INSR: variants seen among roughly 807,000 people sequenced by gnomAD.
The protein encoded by INSR is insulin receptor.
A neutral mutation model predicts 142.6 loss-of-function variants in INSR; 67 were observed. The observed-to-expected ratio is 0.47, with a 90% confidence interval of 0.39 to 0.58. INSR has a LOEUF of 0.58. Among genes scored for constraint, INSR ranks in the 20% least tolerant of loss-of-function variants. INSR has a pLI of 0.00. For synonymous variants in INSR, 756 were observed against 743.1 expected (o/e 1.02, Z -0.28); for missense variants, 1,248 against 1,833.2 (o/e 0.68, Z 5.83).
chr19:7,256,320 G>A (rs1057252879), intron 2 of INSR, among the ~76,000 whole-genome samples: 2 of 151,896 alleles, frequency 1.3e-5, no homozygotes, highest in Non-Finnish European at 2.9e-5. Flanking sequence ...GTGGTGGTGG[G>A]CGCCTGTAGT....
chr19:7,231,295 G>GTTTTTTTTT lies in INSR; in HGVS notation c.652+36041_652+36049dup, dbSNP rs59830751. On this transcript the variant is annotated intron_variant, in intron 2 of 21. Transcript: ENST00000302850. ...TGTCTTGTTTTTGGTGGTGTTTTTT[G>GTTTTTTTTT]TTTTTTTTTTTTTTTTTTTTTTTGA... 5.6e-4 allele frequency among the ~76,000 whole-genome samples: 75 copies of GTTTTTTTTT among 135,000 alleles called. 1 individual carries two copies. Among genetic ancestry groups the GTTTTTTTTT allele is most frequent in the African/African-American group, 2.0e-3 (71 of 35,150 alleles). 88.6% of individuals were successfully genotyped at this position (135,000 alleles called of 152,430 possible). A position where few individuals can be genotyped will look rare whatever the true frequency, so the allele number is the denominator to read the frequency against.
At position 7,257,234 on chromosome 19, in the gene INSR, G is replaced by A. The variant is rs951506014; in HGVS notation, c.652+10111C>T. On this transcript the variant is annotated intron_variant, in intron 2 of 21. Coordinates refer to ENST00000302850, the MANE Select transcript of INSR (RefSeq NM_000208.4). ...GCTGGGATTACAGGCCTGAGCCACC[G>A]TGCCCGGCCTCCCCCACCTTATCTT... is the stretch of plus-strand genomic sequence containing the variant. Among the ~76,000 whole-genome samples, 21 of 152,118 alleles carry A rather than the reference G, an allele frequency of 1.4e-4. No individual in the cohort carries two copies. In the South Asian group the frequency reaches 3.1e-3, roughly 23 times the overall value.
intron 9 of INSR, among the ~76,000 whole-genome samples, chr19:7,153,342 CACCACAG>C (rs1158524615): frequency 3.4e-4 from 9 of 26,510 alleles, no homozygotes; most frequent in East Asian, 1.0e-3. Context: ...CCACGCCACA[CACCACAG>C]ACCACACACC....
At chr19:7,186,764 G>A (rs1399511999) in intron 2 of INSR, among the ~76,000 whole-genome samples, 2 of 151,712 alleles carry the variant, frequency 1.3e-5, no homozygotes, top group Non-Finnish European at 2.9e-5. Context: ...GGGTGCAGTG[G>A]CGCGATCTCA....
At chr19:7,146,311 G>A (rs550456380) in intron 11 of INSR, among the ~76,000 whole-genome samples, 7 of 144,538 alleles carry the variant, frequency 4.8e-5, no homozygotes, top group Admixed American at 1.4e-4. Flanking sequence ...GCGCAACCTC[G>A]GTTCACTGCA....
chr19:7,254,028 CAAAA>C (rs59085878), intron 2 of INSR, among the ~76,000 whole-genome samples: 4 of 125,176 alleles, frequency 3.2e-5, no homozygotes, highest in Non-Finnish European at 6.7e-5. Flanking sequence ...AACTCCATCT[CAAAA>C]AAAAAAAGAA....
At chr19:7,252,496 A>G (rs1303786888) in intron 2 of INSR, among the ~76,000 whole-genome samples, 1 of 152,054 alleles carries the variant, frequency 6.6e-6, no homozygotes, top group African/African-American at 2.4e-5. Context: ...AAATGAGGAA[A>G]CTCTTAACAT....
Position 7,186,129 on chromosome 19 carries a change from A to G in INSR, c.653-1492T>C, listed in dbSNP as rs1974425523. 2.6e-5 allele frequency among the ~76,000 whole-genome samples: 4 copies of G among 152,152 alleles called. No homozygotes were observed. The South Asian group carries it at 8.3e-4, about 32-fold the overall frequency. On this transcript the variant is annotated intron_variant, in intron 2 of 21. Transcript: ENST00000302850. ...GAGAATCGCTTGAACCTGGGAGGGG[A>G]GGTTGCAGGGAGCCGAGATCATGCC...
chr19:7,269,335 A>C (rs1364065130), intron 1 of INSR, among the ~76,000 whole-genome samples: 5 of 147,992 alleles, frequency 3.4e-5, no homozygotes, highest in Non-Finnish European at 1.5e-5. Context: ...GTGATCCTGG[A>C]TCACATTCCA....
Position 7,166,185 on chromosome 19 carries a change from A to G in INSR, c.1830T>C (p.Ser610=). ...SDERRTYGAK[S]DIIYVQTDAT... ...CATCTGTCTGGACATAAATGATGTCACTCTTGGCCCCATAGGTCCGGCGTT... is the reference window on the plus strand; with the variant it reads ...CATCTGTCTGGACATAAATGATGTCGCTCTTGGCCCCATAGGTCCGGCGTT... The change falls in exon 8 of 22, where the codon AGT becomes AGC. Residue 610 remains serine, a synonymous_variant. Coordinates refer to ENST00000302850, the MANE Select transcript of INSR (RefSeq NM_000208.4). This position sits in a 1 kb window ranked among gnomAD's most constrained non-coding sequence, Gnocchi z 4.1. The G allele has an allele frequency of 6.2e-7, 1 of 1,614,098 alleles. No homozygotes were observed. The highest frequency in any genetic ancestry group is 8.5e-7 in the Non-Finnish European group (1 of 1,180,024).
Position 7,119,708 on chromosome 19 carries a change from A to C in INSR, c.3660-125T>G, listed in dbSNP as rs1443601839. The C allele has an allele frequency of 2.8e-6, 3 of 1,068,356 alleles. No homozygotes were observed. Among genetic ancestry groups the C allele is most frequent in the African/African-American group, 1.6e-5 (1 of 64,384 alleles). 66.2% of individuals were successfully genotyped at this position (1,068,356 alleles called of 1,614,324 possible). On this transcript the variant is annotated intron_variant, in intron 20 of 21. Coordinates refer to ENST00000302850, the MANE Select transcript of INSR (RefSeq NM_000208.4). This position sits in a 1 kb window ranked among gnomAD's most constrained non-coding sequence, Gnocchi z 5.2. ...AACACACATGCCAACACATACATGC[A>C]AACACACACATGCAAACACACACGC...
intron 2 of INSR, among the ~76,000 whole-genome samples, chr19:7,248,478 C>G (rs1246314275): frequency 8.9e-6 from 1 of 111,940 alleles, no homozygotes; most frequent in Non-Finnish European, 1.9e-5. Flanking sequence ...AGAGGGAGAC[C>G]CCATCTCAAA....
chr19:7,157,847 C>T (rs1973637034), intron 9 of INSR, among the ~76,000 whole-genome samples: 2 of 151,806 alleles, frequency 1.3e-5, no homozygotes, highest in African/African-American at 4.8e-5. Flanking sequence ...TATCAAGTAC[C>T]TTCCTGTGAA....
Position 7,184,481 on chromosome 19 carries a change from G to A in INSR, c.809C>T (p.Pro270Leu), listed in dbSNP as rs1974365671. Residue 270 changes from proline (P) to leucine (L), a missense_variant, in exon 3 of 22, where the codon CCC becomes CTC. Around this residue, in one of 3 missense-constraint regions of INSR, gnomAD observed 1,069 missense variants for 1,654.0 expected, o/e 0.65. Transcript: ENST00000302850. ...LDGRCVETCPPPYYHFQDWRC... is the reference protein window; with the variant it reads ...LDGRCVETCPLPYYHFQDWRC... ...CCAGTCCTGGAAGTGGTAGTACGGG[G>A]GCGGGCAGGTCTCCACACACCTGCC... 6.2e-7 allele frequency: 1 copy of A among 1,613,968 alleles called. No homozygotes were observed. The highest frequency in any genetic ancestry group is 1.3e-5 in the African/African-American group (1 of 74,964).
chr19:7,149,393 C>T (rs1316616175), intron 11 of INSR, among the ~76,000 whole-genome samples: 2 of 152,150 alleles, frequency 1.3e-5, no homozygotes, highest in African/African-American at 2.4e-5. Context: ...TCCCAACTTG[C>T]CTCTTTAGTC....
chr19:7,165,427 C>T lies in INSR; in HGVS notation c.1861+727G>A, dbSNP rs141135444. On this transcript the variant is annotated intron_variant, in intron 8 of 21. Transcript: ENST00000302850. ...ATGACCAAAGGCTGAAGCTGGGAGG[C>T]GGCTAACTATGGGGTTTTGTTCTGT... Among the ~76,000 whole-genome samples, 723 of 152,164 alleles carry T rather than the reference C, an allele frequency of 4.8e-3. 5 individuals carry two copies. In the Middle Eastern group the frequency reaches 0.054, roughly 11 times the overall value.
chr19:7,283,199 A>C (rs960527986), intron 1 of INSR, among the ~76,000 whole-genome samples: 3 of 152,072 alleles, frequency 2.0e-5, no homozygotes, highest in Admixed American at 6.6e-5. Context: ...TCTCAAAAAA[A>C]TGTAAATGAA....
Position 7,116,993 on chromosome 19 carries a change from G to A in INSR, c.*63C>T, listed in dbSNP as rs1473421615. The A allele has an allele frequency of 1.6e-6, 2 of 1,248,270 alleles. No homozygotes were observed. The highest frequency in any genetic ancestry group is 2.3e-5 in the East Asian group (1 of 43,236). The allele number at this position is 1,248,270 out of a possible 1,614,324, so 77.3% of individuals were successfully genotyped here. ...CGTGAGAATCCTGAGTTTTCCAGAG[G>A]CTTTCAAACCAGAGGAAAGCGAAAA... On this transcript the variant is annotated 3_prime_UTR_variant, in exon 22 of 22. Coordinates refer to ENST00000302850, the MANE Select transcript of INSR (RefSeq NM_000208.4).
At chr19:7,126,534 A>T (rs1217760890) in intron 16 of INSR, 50 bp downstream of exon 16, 5 of 1,468,508 alleles carry the variant, frequency 3.4e-6, no homozygotes, top group Non-Finnish European at 3.7e-6. Flanking sequence ...AAGGCAAAGG[A>T]AGCTGATGAG....
Sources: gnomAD v4.1 joint callset for allele counts (sites outside exome capture counted in the v4.1 genomes callset) on GRCh38, gnomAD v4.1.1 for gene constraint, gnomAD v4.1.1 regional missense constraint, Gnocchi (gnomAD v3.1) non-coding constraint, MANE v1.5 for transcripts, NCBI Gene and HGNC (gene_info 2026-07-23, HGNC 2026-07-21) for gene names.